ELOVL7: variants seen among roughly 807,000 people sequenced by gnomAD.
ELOVL7 encodes the protein ELOVL fatty acid elongase 7.
ELOVL7 carries 27 observed loss-of-function variants against 35.7 expected under a neutral mutation model. The observed-to-expected ratio is 0.76, with a 90% CI of 0.56 to 1.04. ELOVL7 has a LOEUF of 1.04. Among genes scored for constraint, ELOVL7 ranks in the 50% least tolerant of loss-of-function variants. The pLI is 0.00. For missense variants in ELOVL7, 327 were observed against 340.8 expected, an observed-to-expected ratio of 0.96 and a Z score of 0.32; for synonymous variants, 113 against 114.6, an observed-to-expected ratio of 0.99 and a Z score of 0.09.
intron 1 of ELOVL7, among the ~76,000 whole-genome samples, chr5:60,812,525 A>G (rs1451983096): frequency 6.6e-6 from 1 of 152,212 alleles, no homozygotes; most frequent in Non-Finnish European, 1.5e-5. Flanking sequence ...ATAATGGAAT[A>G]AGGGAAAGGA....
chr5:60,799,034 T>C (rs1744433681), intron 2 of ELOVL7, 146 bp downstream of exon 2: 1 of 152,000 alleles, frequency 6.6e-6, no homozygotes, highest in Non-Finnish European at 1.5e-5. Context: ...GGTGTGAAAC[T>C]ACAAATCAAT....
In ELOVL7 at chr5:60,771,942, A is replaced by T; in HGVS notation, c.216T>A (p.Asn72Lys). The change falls in exon 4 of 9, where the codon AAT becomes AAA. Residue 72 changes from asparagine to lysine, a missense_variant. Physicochemically the swap from Asn to Lys is moderately conservative, Grantham distance 94 (BLOSUM62 0). Transcript: ENST00000508821. ...FELKKAMITY[N>K]FFIVLFSVYM... is the part of the protein sequence containing the mutation. Reference sequence around the variant, plus strand: ...ACACAGAAAAGAGTACTATGAAAAAATTGTACGTTATCATTGCTTTCTTGA... The same window carrying T: ...ACACAGAAAAGAGTACTATGAAAAATTTGTACGTTATCATTGCTTTCTTGA... 6.2e-7 allele frequency: 1 copy of T among 1,613,764 alleles called. No homozygotes were observed. Among genetic ancestry groups the T allele is most frequent in the Non-Finnish European group, 8.5e-7 (1 of 1,179,820 alleles).
chr5:60,782,157 A>G (rs1250376828), intron 3 of ELOVL7, among the ~76,000 whole-genome samples: 1 of 152,232 alleles, frequency 6.6e-6, no homozygotes, highest in Non-Finnish European at 1.5e-5. Flanking sequence ...AATTCTCAAC[A>G]TCACTAATCA....
rs184141167 is a variant in ELOVL7 at position 60,838,290 on chromosome 5, G to A, written c.-86+5870C>T. 4.3e-4 allele frequency among the ~76,000 whole-genome samples: 66 copies of A among 152,044 alleles called. No individual in the cohort carries two copies. In the East Asian group the frequency reaches 5.6e-3, roughly 13 times the overall value. On this transcript the variant is annotated intron_variant, in intron 1 of 8. Transcript: ENST00000508821. ...CCCTAGATTCTATTTCCCACTCCTC[G>A]TCCCATTTCTCAGCTGCCCTAACTC...
At chr5:60,806,822 C>T (rs1428095337) in intron 1 of ELOVL7, among the ~76,000 whole-genome samples, 2 of 152,248 alleles carry the variant, frequency 1.3e-5, no homozygotes, top group South Asian at 4.1e-4. Flanking sequence ...CAGGGACAAA[C>T]ATAAAGAAGC....
intron 1 of ELOVL7, among the ~76,000 whole-genome samples, chr5:60,812,651 C>T (rs947983159): frequency 6.6e-6 from 1 of 152,170 alleles, no homozygotes; most frequent in Non-Finnish European, 1.5e-5. Flanking sequence ...AATCATCTTG[C>T]TTGGTTAAAG....
chr5:60,782,998 A>G (rs995414686), intron 3 of ELOVL7, among the ~76,000 whole-genome samples: 1 of 152,246 alleles, frequency 6.6e-6, no homozygotes, highest in African/African-American at 2.4e-5. Context: ...TGATTTAATC[A>G]TTTTATATTG....
chr5:60,797,775 A>T (rs1482091548), intron 2 of ELOVL7, among the ~76,000 whole-genome samples: 2 of 152,184 alleles, frequency 1.3e-5, no homozygotes, highest in Non-Finnish European at 2.9e-5. Context: ...CACCCCCAAT[A>T]GGCATGGAAA....
chr5:60,832,443 G>A (rs997719031), intron 1 of ELOVL7, among the ~76,000 whole-genome samples: 10 of 151,930 alleles, frequency 6.6e-5, no homozygotes, highest in African/African-American at 2.4e-4. Context: ...TTGGCTCACA[G>A]CAACCTCTGC....
chr5:60,758,373 T>A (rs1741677110), intron 7 of ELOVL7, among the ~76,000 whole-genome samples: 1 of 152,186 alleles, frequency 6.6e-6, no homozygotes, highest in Non-Finnish European at 1.5e-5. Context: ...CTAAGAATAT[T>A]TTTTTATATG....
intron 7 of ELOVL7, among the ~76,000 whole-genome samples, chr5:60,761,727 TA>T (rs1051481067): frequency 5.9e-5 from 9 of 152,138 alleles, no homozygotes; most frequent in Non-Finnish European, 1.2e-4. Flanking sequence ...TTTGAATTCA[TA>T]AAAATAGGGA....
At chr5:60,826,518 C>A (rs553671661) in intron 1 of ELOVL7, among the ~76,000 whole-genome samples, 1 of 152,220 alleles carries the variant, frequency 6.6e-6, no homozygotes, top group South Asian at 2.1e-4. Context: ...TGGATCTTTG[C>A]CCTGCACTAA....
intron 2 of ELOVL7, among the ~76,000 whole-genome samples, chr5:60,792,970 T>A (rs967552412): frequency 5.9e-5 from 9 of 152,042 alleles, no homozygotes; most frequent in African/African-American, 2.2e-4. Flanking sequence ...CTGGCCTAAG[T>A]TTAGTGGAGG....
intron 7 of ELOVL7, among the ~76,000 whole-genome samples, chr5:60,761,714 C>T (rs900426125): frequency 2.0e-5 from 3 of 151,966 alleles, no homozygotes; most frequent in African/African-American, 7.3e-5. Flanking sequence ...TGGGGGTATG[C>T]TGTTTGAATT....
intron 1 of ELOVL7, among the ~76,000 whole-genome samples, chr5:60,830,609 CTTT>C (rs55973952): frequency 3.9e-5 from 5 of 127,410 alleles, no homozygotes; most frequent in Non-Finnish European, 6.9e-5. Flanking sequence ...TTCTTTCTTT[CTTT>C]TTTTTTTTTT....
chr5:60,754,397 A>G lies in ELOVL7; in HGVS notation c.*227T>C, dbSNP rs1741407755. On this transcript the variant is annotated 3_prime_UTR_variant, in exon 9 of 9. Coordinates refer to ENST00000508821, the MANE Select transcript of ELOVL7 (RefSeq NM_024930.3). ...GGATTAGGTTTAAAAGCAGCTAAAA[A>G]AACAAAAACAAAAACAAAAACAAAT... 2.0e-6 allele frequency: 1 copy of G among 509,482 alleles called. No homozygotes were observed. Among genetic ancestry groups the G allele is most frequent in the Admixed American group, 3.4e-5 (1 of 29,620 alleles). The allele number at this position is 509,482 out of a possible 1,614,324, so 31.6% of individuals were successfully genotyped here.
chr5:60,784,113 T>C, intron 3 of ELOVL7: 1 of 1,498,098 alleles, frequency 6.7e-7, no homozygotes, highest in Non-Finnish European at 9.0e-7. Flanking sequence ...TAATGGGCTT[T>C]TCCATCAGCT....
chr5:60,836,174 A>G (rs1320158878), intron 1 of ELOVL7, among the ~76,000 whole-genome samples: 1 of 152,066 alleles, frequency 6.6e-6, no homozygotes, highest in Non-Finnish European at 1.5e-5. Flanking sequence ...ATTTAAAAAC[A>G]CTGACTATAT....
At chr5:60,755,440 C>T (rs546548576) in intron 8 of ELOVL7, among the ~76,000 whole-genome samples, 1 of 152,116 alleles carries the variant, frequency 6.6e-6, no homozygotes, top group Non-Finnish European at 1.5e-5. Flanking sequence ...GGGTGGATCA[C>T]GAGGTTAGGA....
Sources: gnomAD v4.1 joint callset for allele counts (sites outside exome capture counted in the v4.1 genomes callset) on GRCh38, gnomAD v4.1.1 for gene constraint, MANE v1.5 for transcripts, NCBI Gene and HGNC (gene_info 2026-07-23, HGNC 2026-07-21) for gene names.